The following COP1 variants were observed in gnomAD, a reference collection of about 807,000 sequenced individuals.
COP1 encodes the protein E3 ubiquitin-protein ligase COP1.
A neutral mutation model predicts 101.3 loss-of-function variants in COP1; 24 were observed. The observed-to-expected ratio is 0.24, with a 90% CI of 0.17 to 0.33. COP1 has a LOEUF of 0.33. COP1 is among the 10% of genes least tolerant of loss of function. The pLI is 1.00. For missense variants in COP1, 663 were observed against 906.2 expected, an observed-to-expected ratio of 0.73 and a Z score of 3.45; for synonymous variants, 347 against 341.9, an observed-to-expected ratio of 1.01 and a Z score of -0.17.
intron 3 of COP1, among the ~76,000 whole-genome samples, chr1:176,175,107 T>C (rs1369112286): frequency 6.6e-6 from 1 of 152,200 alleles, no homozygotes; most frequent in Non-Finnish European, 1.5e-5. Context: ...GCCTCCCTAG[T>C]TCAGATTCTC....
chr1:175,955,247 C>CA (rs576531899), intron 18 of COP1, among the ~76,000 whole-genome samples: 27 of 150,538 alleles, frequency 1.8e-4, no homozygotes, highest in Non-Finnish European at 3.1e-4. Flanking sequence ...TGCCTCAAAA[C>CA]AAAAAAAAGA....
intron 15 of COP1, among the ~76,000 whole-genome samples, chr1:176,006,076 T>C (rs988673841): frequency 6.6e-6 from 1 of 152,260 alleles, no homozygotes; most frequent in African/African-American, 2.4e-5. Flanking sequence ...CTCTTCCTGC[T>C]GAATTGATCC....
At chr1:176,049,809 T>C (rs1672230338) in intron 11 of COP1, among the ~76,000 whole-genome samples, 1 of 152,126 alleles carries the variant, frequency 6.6e-6, no homozygotes, top group African/African-American at 2.4e-5. Flanking sequence ...GATGACCTCT[T>C]ATATTAACAG....
intron 8 of COP1, among the ~76,000 whole-genome samples, chr1:176,127,333 T>C (rs1022448977): frequency 6.6e-6 from 1 of 152,190 alleles, no homozygotes. Context: ...TTGTACTCAC[T>C]GACCAACTTC....
At chr1:176,002,077 C>G (rs1284282063) in intron 15 of COP1, among the ~76,000 whole-genome samples, 1 of 151,986 alleles carries the variant, frequency 6.6e-6, no homozygotes, top group African/African-American at 2.4e-5. Flanking sequence ...AGGTGTACAT[C>G]TTATCTACTT....
chr1:176,058,800 T>G (rs920468000), intron 11 of COP1, among the ~76,000 whole-genome samples: 3 of 150,002 alleles, frequency 2.0e-5, no homozygotes, highest in Non-Finnish European at 4.4e-5. Flanking sequence ...AGATCCCATA[T>G]ATGAACCTGA....
chr1:176,207,259 G>C lies in COP1; in HGVS notation c.-281C>G, dbSNP rs900594737. 2.6e-6 allele frequency: 1 copy of C among 391,778 alleles called. No individual in the cohort carries two copies. The highest frequency in any genetic ancestry group is 4.5e-5 in the Admixed American group (1 of 22,252). 24.3% of individuals were successfully genotyped at this position (391,778 alleles called of 1,614,324 possible). A position where few individuals can be genotyped will look rare whatever the true frequency, so the allele number is the denominator to read the frequency against. ...CTGTAGCAGCCAACCCCGGCGCGCC[G>C]TGGCCGGCCGTGCGCGCGCGCGCGA... On this transcript the variant is annotated 5_prime_UTR_variant, in exon 1 of 20. Transcript: ENST00000367669.
At chr1:176,144,178 T>G (rs963912119) in intron 6 of COP1, among the ~76,000 whole-genome samples, 6 of 152,158 alleles carry the variant, frequency 3.9e-5, no homozygotes, top group Non-Finnish European at 8.8e-5. Context: ...TGTTATTATT[T>G]GCAGATTATG....
At chr1:176,164,510 T>C (rs1415365819) in intron 3 of COP1, among the ~76,000 whole-genome samples, 2 of 152,118 alleles carry the variant, frequency 1.3e-5, no homozygotes, top group African/African-American at 4.8e-5. Context: ...GTTAAGTACG[T>C]AACCCAATTT....
intron 15 of COP1, among the ~76,000 whole-genome samples, chr1:175,990,617 C>T (rs1658175205): frequency 6.6e-6 from 1 of 152,102 alleles, no homozygotes; most frequent in Non-Finnish European, 1.5e-5. Context: ...CTGTTTTTCC[C>T]TTAAATATCA....
At chr1:175,965,138 A>G (rs1463794291) in intron 18 of COP1, among the ~76,000 whole-genome samples, 1 of 152,056 alleles carries the variant, frequency 6.6e-6, no homozygotes, top group East Asian at 1.9e-4. Flanking sequence ...TTTGTACTGC[A>G]ATTGCATCCT....
intron 5 of COP1, among the ~76,000 whole-genome samples, chr1:176,151,394 AAAG>A (rs1692541337): frequency 7.8e-6 from 1 of 128,920 alleles, no homozygotes; most frequent in African/African-American, 2.5e-5. Flanking sequence ...AGAAAGAAAG[AAAG>A]AAAGAAAGAA....
intron 1 of COP1, among the ~76,000 whole-genome samples, chr1:176,202,536 T>C (rs138678133): frequency 1.9e-3 from 286 of 152,028 alleles, no homozygotes; most frequent in Non-Finnish European, 3.3e-3. Flanking sequence ...TTTCAGACTA[T>C]TAAAAATATC....
chr1:176,101,306 G>A (rs755765824), intron 9 of COP1, among the ~76,000 whole-genome samples: 1 of 152,094 alleles, frequency 6.6e-6, no homozygotes, highest in Non-Finnish European at 1.5e-5. Flanking sequence ...GGAAGAGAAG[G>A]GAACCTGGGG....
intron 8 of COP1, among the ~76,000 whole-genome samples, chr1:176,123,880 T>A (rs1209185882): frequency 6.6e-6 from 1 of 152,130 alleles, no homozygotes; most frequent in African/African-American, 2.4e-5. Flanking sequence ...TACTTAATCT[T>A]CCCATATTTT....
chr1:175,947,826 A>G (rs1294114643), intron 18 of COP1, among the ~76,000 whole-genome samples: 2 of 152,230 alleles, frequency 1.3e-5, no homozygotes, highest in Non-Finnish European at 2.9e-5. Context: ...ATGGAAGAAA[A>G]GCCAAAAGAA....
At chr1:176,140,043 CAAATT>C (rs1481334999) in intron 6 of COP1, among the ~76,000 whole-genome samples, 1 of 152,096 alleles carries the variant, frequency 6.6e-6, no homozygotes, top group African/African-American at 2.4e-5. Context: ...TAATTGAAAT[CAAATT>C]AATTTTTATT....
At chr1:176,204,054 G>A (rs754537741) in intron 1 of COP1, among the ~76,000 whole-genome samples, 1 of 152,124 alleles carries the variant, frequency 6.6e-6, no homozygotes, top group African/African-American at 2.4e-5. Context: ...TCCAATCTGT[G>A]CCGTTTAAGA....
At chr1:176,008,015 C>T (rs1163530200) in intron 15 of COP1, among the ~76,000 whole-genome samples, 26 of 152,176 alleles carry the variant, frequency 1.7e-4, no homozygotes, top group Admixed American at 1.5e-3. Context: ...GCGTAGGACC[C>T]TCGGAGCCAG....
Sources: gnomAD v4.1 joint callset for allele counts (sites outside exome capture counted in the v4.1 genomes callset) on GRCh38, gnomAD v4.1.1 for gene constraint, MANE v1.5 for transcripts, NCBI Gene and HGNC (gene_info 2026-07-23, HGNC 2026-07-21) for gene names.